Variants in ANKRD20A1 observed in about 807,000 individuals in gnomAD.
ANKRD20A1 encodes ankyrin repeat domain-containing protein 20A1.
A neutral mutation model predicts 50.9 loss-of-function variants in ANKRD20A1; 2 were observed. That is an observed-to-expected ratio of 0.04 (90% CI 0.02 to 0.12). ANKRD20A1 has a LOEUF of 0.12. Among genes scored for constraint, ANKRD20A1 ranks in the 10% least tolerant of loss-of-function variants. ANKRD20A1 has a pLI of 1.00. For synonymous variants in ANKRD20A1, 10 were observed against 186.2 expected, an observed-to-expected ratio of 0.05 and a Z score of 7.70; for missense variants, 31 against 548.1, an observed-to-expected ratio of 0.06 and a Z score of 9.42.
chr9:67,867,586 A>G, intron 4 of ANKRD20A1, among the ~76,000 whole-genome samples: 1 of 152,414 alleles, frequency 6.6e-6, no homozygotes, highest in African/African-American at 2.4e-5. Context: ...TATAATATAC[A>G]GTGTTTGGTA....
intron 11 of ANKRD20A1, among the ~76,000 whole-genome samples, chr9:67,889,049 C>T (rs1317342507): frequency 6.8e-6 from 1 of 147,578 alleles, no homozygotes; most frequent in East Asian, 2.2e-4. Context: ...TCATTACCAC[C>T]TCTGCCTCTC....
rs1164970183 is a variant in ANKRD20A1 at position 67,860,232 on chromosome 9, A to G, written c.203+603A>G. On this transcript the variant is annotated intron_variant, in intron 1 of 14. Coordinates refer to ENST00000562196, the MANE Select transcript of ANKRD20A1 (RefSeq NM_032250.5). ...GCCAGCATGCCTGGCTAATTTTTGT[A>G]TATTTAGTTTCACCACGTTGGCCAG... 4.4e-5 allele frequency among the ~76,000 whole-genome samples: 2 copies of G among 45,022 alleles called. 1 individual carries two copies. Among genetic ancestry groups the G allele is most frequent in the Non-Finnish European group, 8.7e-5 (2 of 23,018 alleles). The allele number at this position is 45,022 out of a possible 152,430, so 29.5% of individuals were successfully genotyped here.
intron 5 of ANKRD20A1, 47 bp from the exon 6 acceptor site, chr9:67,871,110 T>A: frequency 8.0e-7 from 1 of 1,257,596 alleles, no homozygotes; most frequent in Non-Finnish European, 1.1e-6. Context: ...ATATTTTTTA[T>A]TTCATTATAA....
intron 8 of ANKRD20A1, among the ~76,000 whole-genome samples, chr9:67,882,891 GT>G (rs1425725244): frequency 6.6e-6 from 1 of 150,698 alleles, no homozygotes; most frequent in African/African-American, 2.4e-5. Flanking sequence ...GCAGTGTTTG[GT>G]TTTTTGTCCT....
At chr9:67,871,557 T>C (rs1827647112) in intron 6 of ANKRD20A1, among the ~76,000 whole-genome samples, 1 of 138,840 alleles carries the variant, frequency 7.2e-6, no homozygotes, top group African/African-American at 2.7e-5. Flanking sequence ...ATGTTGTATG[T>C]TTCCTCTATA....
At chr9:67,882,696 G>A (rs1195592172) in intron 8 of ANKRD20A1, among the ~76,000 whole-genome samples, 1 of 121,288 alleles carries the variant, frequency 8.2e-6, no homozygotes, top group Non-Finnish European at 1.8e-5. Flanking sequence ...ATGTGGGTTT[G>A]TTACATGTGT....
At chr9:67,878,817 G>C (rs1423641209) in intron 7 of ANKRD20A1, among the ~76,000 whole-genome samples, 20 of 80,670 alleles carry the variant, frequency 2.5e-4, no homozygotes, top group Non-Finnish European at 4.6e-4. Flanking sequence ...TATCCTATTG[G>C]CGTGTGTTTT....
chr9:67,881,126 A>T (rs1346273643), intron 8 of ANKRD20A1, among the ~76,000 whole-genome samples: 1 of 150,880 alleles, frequency 6.6e-6, no homozygotes, highest in African/African-American at 2.4e-5. Flanking sequence ...ATAATTGTAG[A>T]AAAATAACTG....
chr9:67,884,927 T>C (rs545823349), intron 9 of ANKRD20A1, among the ~76,000 whole-genome samples: 122 of 144,132 alleles, frequency 8.5e-4, no homozygotes, highest in African/African-American at 2.9e-3. Context: ...TGATGGAATG[T>C]TTCTTTGAAA....
intron 8 of ANKRD20A1, among the ~76,000 whole-genome samples, chr9:67,882,638 A>G (rs905756956): frequency 1.4e-5 from 2 of 144,152 alleles, no homozygotes; most frequent in African/African-American, 2.5e-5. Flanking sequence ...GCCATACATT[A>G]CTCTTTATTA....
intron 11 of ANKRD20A1, among the ~76,000 whole-genome samples, chr9:67,890,621 G>A: frequency 6.6e-6 from 1 of 151,866 alleles, no homozygotes. Flanking sequence ...TGCACTATGA[G>A]TATGGGTTTT....
intron 9 of ANKRD20A1, among the ~76,000 whole-genome samples, chr9:67,885,698 A>T (rs1356630132): frequency 6.6e-6 from 1 of 152,304 alleles, no homozygotes; most frequent in African/African-American, 2.4e-5. Flanking sequence ...ACCAATATGG[A>T]AGCACATCAG....
chr9:67,895,954 A>G (rs1209460103), intron 12 of ANKRD20A1, among the ~76,000 whole-genome samples: 1 of 77,634 alleles, frequency 1.3e-5, no homozygotes, highest in African/African-American at 3.8e-5. Context: ...TAGTTCTGCT[A>G]TCTAAATAAT....
Position 67,898,532 on chromosome 9 carries a change from T to C in ANKRD20A1, c.1317-615T>C, listed in dbSNP as rs1306552511. Among the ~76,000 whole-genome samples, 2 of 93,622 alleles carry C rather than the reference T, an allele frequency of 2.1e-5. 1 individual carries two copies. Among genetic ancestry groups the C allele is most frequent in the Non-Finnish European group, 4.8e-5 (2 of 41,276 alleles). 61.4% of individuals were successfully genotyped at this position (93,622 alleles called of 152,430 possible). A position where few individuals can be genotyped will look rare whatever the true frequency, so the allele number is the denominator to read the frequency against. The stretch of plus-strand genomic sequence containing the variant: ...ACATAATGAACAATAGGTTAATGAA[T>C]ATATAAAATATATGTAATAAGGTGA... On this transcript the variant is annotated intron_variant, in intron 13 of 14. Coordinates refer to ENST00000562196, the MANE Select transcript of ANKRD20A1 (RefSeq NM_032250.5).
chr9:67,860,547 T>C lies in ANKRD20A1; in HGVS notation c.203+918T>C, dbSNP rs975853151. The stretch of plus-strand genomic sequence containing the variant: ...TTTTTCCAGATCTACAAGTTACTTA[T>C]ATACATAGGAAAAAATCCTTCGCAT... On this transcript the variant is annotated intron_variant, in intron 1 of 14. Transcript: ENST00000562196. The C allele has an allele frequency of 2.1e-3, 87 of 41,178 alleles. 38 individuals carry two copies. Among genetic ancestry groups the C allele is most frequent in the African/African-American group, 0.012 (85 of 6,858 alleles). 2.6% of individuals were successfully genotyped at this position (41,178 alleles called of 1,614,324 possible).
intron 5 of ANKRD20A1, among the ~76,000 whole-genome samples, 156 bp downstream of exon 5, chr9:67,868,722 A>G (rs1827614496): frequency 1.3e-5 from 1 of 77,894 alleles, no homozygotes. Flanking sequence ...AATCAAGCAG[A>G]AGTCTAGATT....
In ANKRD20A1 at chr9:67,872,325, T is replaced by C. The variant is rs1827661881; in HGVS notation, c.793+1113T>C. ...CGTACACAAGCAAAATGATTTTATC[T>C]GTCATAGTTTACATACATACACATA... On this transcript the variant is annotated intron_variant, in intron 6 of 14. Coordinates refer to ENST00000562196, the MANE Select transcript of ANKRD20A1 (RefSeq NM_032250.5). Among the ~76,000 whole-genome samples the C allele has an allele frequency of 3.0e-5, 4 of 133,520 alleles. 1 individual carries two copies. Among genetic ancestry groups the C allele is most frequent in the Admixed American group, 2.2e-4 (3 of 13,648 alleles). 87.6% of individuals were successfully genotyped at this position (133,520 alleles called of 152,430 possible). A position where few individuals can be genotyped will look rare whatever the true frequency, so the allele number is the denominator to read the frequency against.
chr9:67,861,508 C>T (rs1212504207), intron 1 of ANKRD20A1, among the ~76,000 whole-genome samples: 1 of 46,778 alleles, frequency 2.1e-5, no homozygotes, highest in Non-Finnish European at 4.2e-5. Flanking sequence ...TCAAGCATAA[C>T]CTGAGTACCT....
At chr9:67,871,446 T>C (rs865798991) in intron 6 of ANKRD20A1, among the ~76,000 whole-genome samples, 2 of 138,876 alleles carry the variant, frequency 1.4e-5, no homozygotes, top group Non-Finnish European at 3.2e-5. Context: ...TAATTTATAA[T>C]CTCAAACATT....
Sources: gnomAD v4.1 joint callset for allele counts (sites outside exome capture counted in the v4.1 genomes callset) on GRCh38, gnomAD v4.1.1 for gene constraint, MANE v1.5 for transcripts, NCBI Gene and HGNC (gene_info 2026-07-23, HGNC 2026-07-21) for gene names.